Variants in SMOC1 observed in about 807,000 individuals in gnomAD.
SMOC1 encodes SPARC related modular calcium binding 1.
SMOC1 carries 22 observed loss-of-function variants against 56.3 expected under a neutral mutation model. The ratio of observed to expected loss-of-function variants is 0.39; its 90% CI spans 0.28 to 0.56. SMOC1 has a LOEUF of 0.56. Ranked by LOEUF, SMOC1 falls within the 20% of genes least tolerant of loss-of-function variation. The pLI is 0.61. For synonymous variants in SMOC1, 193 were observed against 215.0 expected (o/e 0.90, Z 0.89); for missense variants, 509 against 565.4 (o/e 0.90, Z 1.01).
At chr14:70,012,076 C>T (rs1885360453) in intron 9 of SMOC1, among the ~76,000 whole-genome samples, 1 of 152,206 alleles carries the variant, frequency 6.6e-6, no homozygotes, top group South Asian at 2.1e-4. Context: ...ATAGCAATCT[C>T]TGCCTGCAAG....
intron 1 of SMOC1, among the ~76,000 whole-genome samples, chr14:69,931,512 T>C (rs79838495): frequency 0.095 from 14,479 of 152,306 alleles, 749 homozygotes; most frequent in South Asian, 0.14. Context: ...CTTTGGGAGC[T>C]GACAGCAGGC....
intron 10 of SMOC1, among the ~76,000 whole-genome samples, chr14:70,018,310 A>G (rs1885591609): frequency 6.6e-6 from 1 of 152,188 alleles, no homozygotes; most frequent in Admixed American, 6.5e-5. Context: ...AAAGAAATCA[A>G]TAGGATTTCA....
chr14:69,885,832 C>T (rs879156051), intron 1 of SMOC1: 41 of 1,603,158 alleles, frequency 2.6e-5, no homozygotes, highest in South Asian at 1.3e-4. Flanking sequence ...TTGTCTCTGG[C>T]CTGTACTTGT....
chr14:69,898,631 T>C (rs1884158851), intron 1 of SMOC1, among the ~76,000 whole-genome samples: 1 of 152,226 alleles, frequency 6.6e-6, no homozygotes, highest in African/African-American at 2.4e-5. Flanking sequence ...TGCGTTTCTT[T>C]TTGATTATTT....
At chr14:69,953,223 C>T (rs920937760) in intron 2 of SMOC1, among the ~76,000 whole-genome samples, 197 bp from the exon 3 acceptor site, 1 of 152,142 alleles carries the variant, frequency 6.6e-6, no homozygotes, top group Non-Finnish European at 1.5e-5. Flanking sequence ...AACACGAATC[C>T]TCTGCTTTTC....
At position 69,952,397 on chromosome 14, in the gene SMOC1, C is replaced by T. The variant is rs1883036317; in HGVS notation, c.265+94C>T. The T allele has an allele frequency of 2.0e-6, 3 of 1,468,592 alleles. No homozygotes were observed. The South Asian group carries it at 3.5e-5, about 17-fold the overall frequency. The allele number at this position is 1,468,592 out of a possible 1,614,324, so 91.0% of individuals were successfully genotyped here. ...TGCAACAGGGAAGCTTGGAGTAAGT[C>T]TGTCCACTCACTTTGCTTTCCTATC... is the stretch of plus-strand genomic sequence containing the variant. On this transcript the variant is annotated intron_variant, in intron 2 of 11. Transcript: ENST00000361956.
chr14:70,030,142 G>A (rs1028555886), intron 11 of SMOC1, 100 bp from the exon 12 acceptor site: 1 of 1,556,298 alleles, frequency 6.4e-7, no homozygotes, highest in Non-Finnish European at 8.8e-7. Context: ...GGAAATTGAT[G>A]GACATAGCTG....
chr14:69,958,739 A>C (rs562308284), intron 3 of SMOC1, among the ~76,000 whole-genome samples: 1 of 152,346 alleles, frequency 6.6e-6, no homozygotes, highest in East Asian at 1.9e-4. Context: ...CTATTTAGCC[A>C]CAAGGATTAC....
At chr14:70,010,013 C>T (rs563526232) in intron 7 of SMOC1, among the ~76,000 whole-genome samples, 9 of 152,168 alleles carry the variant, frequency 5.9e-5, no homozygotes, top group Non-Finnish European at 1.2e-4. Context: ...CAGGGCACCA[C>T]GCTCTGTCTC....
intron 7 of SMOC1, among the ~76,000 whole-genome samples, chr14:70,006,889 C>T (rs746342224): frequency 5.9e-5 from 9 of 152,142 alleles, no homozygotes; most frequent in Non-Finnish European, 7.4e-5. Flanking sequence ...AAAGTGAAAG[C>T]GAGAGCTGCA....
At chr14:69,988,349 A>G (rs1884442828) in intron 5 of SMOC1, among the ~76,000 whole-genome samples, 1 of 151,680 alleles carries the variant, frequency 6.6e-6, no homozygotes, top group Non-Finnish European at 1.5e-5. Context: ...ATAGTATTAA[A>G]GAGAAATACT....
chr14:69,956,587 C>T (rs1442135559), intron 3 of SMOC1, among the ~76,000 whole-genome samples: 1 of 151,934 alleles, frequency 6.6e-6, no homozygotes, highest in Non-Finnish European at 1.5e-5. Flanking sequence ...GTAACCCTCT[C>T]TTGAAGTTTA....
intron 1 of SMOC1, among the ~76,000 whole-genome samples, chr14:69,927,190 C>T (rs1885034481): frequency 6.6e-6 from 1 of 152,224 alleles, no homozygotes; most frequent in African/African-American, 2.4e-5. Flanking sequence ...TGCTTCATGT[C>T]GTGCTGACTG....
At chr14:70,016,732 C>G (rs554562351) in intron 10 of SMOC1, among the ~76,000 whole-genome samples, 1 of 152,294 alleles carries the variant, frequency 6.6e-6, no homozygotes, top group South Asian at 2.1e-4. Context: ...CTCCTCAGTT[C>G]TGGTTCCTCA....
intron 11 of SMOC1, among the ~76,000 whole-genome samples, chr14:70,025,167 G>A (rs1333948233): frequency 1.3e-5 from 2 of 152,196 alleles, no homozygotes; most frequent in African/African-American, 2.4e-5. Flanking sequence ...AGGATGAGTG[G>A]CTCTGTAATG....
chr14:70,014,227 C>T (rs760409311), intron 10 of SMOC1, among the ~76,000 whole-genome samples: 5 of 152,096 alleles, frequency 3.3e-5, no homozygotes, highest in East Asian at 1.9e-4. Context: ...TGCAGCTTAG[C>T]GGGGATACTA....
intron 1 of SMOC1, among the ~76,000 whole-genome samples, chr14:69,903,229 C>T (rs990405068): frequency 9.9e-5 from 15 of 152,044 alleles, no homozygotes; most frequent in Admixed American, 7.2e-4. Context: ...TCTGCCCCGC[C>T]GCCCCGTCTG....
At chr14:69,904,295 C>A (rs527655394) in intron 1 of SMOC1, among the ~76,000 whole-genome samples, 1 of 152,288 alleles carries the variant, frequency 6.6e-6, no homozygotes, top group East Asian at 1.9e-4. Flanking sequence ...AACTTCTTCC[C>A]ACCTATGAGT....
At chr14:70,017,601 G>C (rs1297412763) in intron 10 of SMOC1, among the ~76,000 whole-genome samples, 1 of 152,194 alleles carries the variant, frequency 6.6e-6, no homozygotes, top group Non-Finnish European at 1.5e-5. Flanking sequence ...GATAGAAGAT[G>C]TTTGGACAGT....
Sources: allele counts gnomAD v4.1 joint callset (sites outside exome capture counted in the v4.1 genomes callset), GRCh38; gene constraint gnomAD v4.1.1; transcripts MANE v1.5; gene names NCBI Gene and HGNC (gene_info 2026-07-23, HGNC 2026-07-21).